The following HECTD4 variants were observed in gnomAD, a reference collection of about 807,000 sequenced individuals.
HECTD4 encodes the protein HECT domain E3 ubiquitin protein ligase 4, also known as probable E3 ubiquitin-protein ligase HECTD4.
Under a neutral mutation model 471.5 loss-of-function variants are expected in HECTD4, and 114 were observed. The ratio of observed to expected loss-of-function variants is 0.24; its 90% CI spans 0.21 to 0.28. The LOEUF is 0.28. Ranked by LOEUF, HECTD4 falls within the 10% of genes least tolerant of loss-of-function variation. The pLI, the probability that HECTD4 is intolerant of heterozygous loss-of-function variation, is 1.00. For synonymous variants in HECTD4, 2,012 were observed against 2,256.0 expected (o/e 0.89, Z 3.07); for missense variants, 3,866 against 5,651.5 (o/e 0.68, Z 10.13).
intron 1 of HECTD4, among the ~76,000 whole-genome samples, chr12:112,335,236 G>A (rs1194585050): frequency 6.6e-6 from 1 of 151,944 alleles, no homozygotes; most frequent in Admixed American, 6.6e-5. Flanking sequence ...GCAGCAACCT[G>A]GATGGGACTG....
In HECTD4 at chr12:112,190,760, C is replaced by G. The variant is rs373035734; in HGVS notation, c.9472+26G>C. 9.1e-6 allele frequency: 14 copies of G among 1,539,186 alleles called. No homozygotes were observed. The African/African-American group carries it at 1.8e-4, about 19-fold the overall frequency. On this transcript the variant is annotated intron_variant, in intron 60 of 75. Coordinates refer to ENST00000682272, the MANE Select transcript of HECTD4 (RefSeq NM_001388303.1). ...GCCAGCTCCACCCCCACCCTAGATT[C>G]CGATCCCCAGGGAAGGCAGCCTCAC...
intron 32 of HECTD4, among the ~76,000 whole-genome samples, chr12:112,242,980 T>G (rs1391980901): frequency 6.6e-6 from 1 of 152,196 alleles, no homozygotes; most frequent in Non-Finnish European, 1.5e-5. Context: ...CTGAGATATC[T>G]AAGACATACT....
chr12:112,238,081 G>T (rs753118864), intron 34 of HECTD4, among the ~76,000 whole-genome samples: 3 of 151,996 alleles, frequency 2.0e-5, no homozygotes, highest in Non-Finnish European at 2.9e-5. Flanking sequence ...TTAAAGGGAG[G>T]AATAATGCCT....
intron 67 of HECTD4, among the ~76,000 whole-genome samples, chr12:112,172,281 A>C (rs1351060032): frequency 6.6e-6 from 1 of 152,242 alleles, no homozygotes; most frequent in Non-Finnish European, 1.5e-5. Context: ...TAACAAAAAC[A>C]TGGTGTTCCC....
intron 1 of HECTD4, among the ~76,000 whole-genome samples, chr12:112,338,309 G>C (rs1281118289): frequency 6.6e-6 from 1 of 152,072 alleles, no homozygotes; most frequent in Non-Finnish European, 1.5e-5. Context: ...TATGTGTTAG[G>C]CCATTCTTGC....
intron 44 of HECTD4, among the ~76,000 whole-genome samples, chr12:112,225,319 T>C (rs944000070): frequency 9.4e-6 from 1 of 106,472 alleles, no homozygotes; most frequent in Non-Finnish European, 2.0e-5. Context: ...ACAGACTTTT[T>C]AAAAGACCAA....
In HECTD4 at chr12:112,349,560, G is replaced by A. The variant is rs140493878; in HGVS notation, c.178-29818C>T. Among the ~76,000 whole-genome samples, 597 of 152,114 alleles carry A rather than the reference G, an allele frequency of 3.9e-3. 2 individuals are homozygous for A. The highest frequency in any genetic ancestry group is 5.1e-3 in the Non-Finnish European group (348 of 67,992). ...TTGGCAAAGATAAGGCATGCTCCTGGGGAAGAAGTCAGATGAAAACATCTA... is the reference window on the plus strand; with the variant it reads ...TTGGCAAAGATAAGGCATGCTCCTGAGGAAGAAGTCAGATGAAAACATCTA... On this transcript the variant is annotated intron_variant, in intron 1 of 75. Transcript: ENST00000682272.
At chr12:112,206,287 G>A (rs1211492534) in intron 52 of HECTD4, among the ~76,000 whole-genome samples, 1 of 151,982 alleles carries the variant, frequency 6.6e-6, no homozygotes, top group Admixed American at 6.6e-5. Flanking sequence ...TTGAAGCCAG[G>A]AGTTCAAGAC....
At chr12:112,303,771 G>A (rs191374880) in intron 7 of HECTD4, among the ~76,000 whole-genome samples, 1 of 151,148 alleles carries the variant, frequency 6.6e-6, no homozygotes, top group South Asian at 2.1e-4. Flanking sequence ...GATCACCTGA[G>A]CCCAGGAGGT....
At chr12:112,175,017 G>T (rs966798222) in intron 66 of HECTD4, among the ~76,000 whole-genome samples, 4 of 152,204 alleles carry the variant, frequency 2.6e-5, no homozygotes, top group Admixed American at 2.6e-4. Flanking sequence ...ACCATATTTA[G>T]CCCTGAAGCC....
rs2135550044 is a variant in HECTD4 at position 112,216,931 on chromosome 12, T to C, written c.7237-10A>G. The stretch of plus-strand genomic sequence containing the variant: ...AGTAAAAAGACGGGGCCTGAAGAGA[T>C]GCCAGAAGAGAGCAGCAATCAGAGG... On this transcript the variant is annotated splice_polypyrimidine_tract_variant and intron_variant, in intron 46 of 75. Coordinates refer to ENST00000682272, the MANE Select transcript of HECTD4 (RefSeq NM_001388303.1). 1.9e-6 allele frequency: 3 copies of C among 1,612,306 alleles called. No homozygotes were observed. The highest frequency in any genetic ancestry group is 2.5e-6 in the Non-Finnish European group (3 of 1,178,442).
At chr12:112,323,025 G>C in intron 1 of HECTD4, 1 of 200,258 alleles carries the variant, frequency 5.0e-6, no homozygotes. Flanking sequence ...GACAAAGAAA[G>C]GCTGCATGAA....
intron 70 of HECTD4, 39 bp from the exon 71 acceptor site, chr12:112,167,956 C>T (rs755802256): frequency 1.3e-6 from 2 of 1,528,072 alleles, no homozygotes; most frequent in Non-Finnish European, 1.8e-6. Flanking sequence ...CTGGGGTGTC[C>T]CGGCGGGAGG....
chr12:112,261,600 G>A, intron 17 of HECTD4, 171 bp from the exon 18 acceptor site: 1 of 611,348 alleles, frequency 1.6e-6, no homozygotes, highest in African/African-American at 1.8e-5. Flanking sequence ...GCCAGAATAA[G>A]CCCAAAGCAG....
At chr12:112,303,743 G>A (rs1268424071) in intron 7 of HECTD4, among the ~76,000 whole-genome samples, 1 of 151,848 alleles carries the variant, frequency 6.6e-6, no homozygotes, top group Non-Finnish European at 1.5e-5. Flanking sequence ...CCAGCTACTT[G>A]GGAGGCTGAG....
At chr12:112,208,105 T>C in intron 51 of HECTD4, 105 bp from the exon 52 acceptor site, 1 of 1,305,684 alleles carries the variant, frequency 7.7e-7, no homozygotes, top group Non-Finnish European at 1.0e-6. Context: ...CCCACTTAAA[T>C]GCCAGTAATA....
At chr12:112,219,352 C>T (rs773322965) in intron 45 of HECTD4, 34 bp downstream of exon 45, 17 of 1,486,808 alleles carry the variant, frequency 1.1e-5, no homozygotes, top group Non-Finnish European at 1.2e-5. Context: ...TGTGTGGAGG[C>T]TGCAGGAGGC....
chr12:112,221,116 TA>T (rs1259248918), intron 44 of HECTD4, among the ~76,000 whole-genome samples: 1 of 152,102 alleles, frequency 6.6e-6, no homozygotes, highest in Admixed American at 6.5e-5. Context: ...CACACTTGGC[TA>T]ATTTTTTGTA....
Position 112,235,347 on chromosome 12 carries a change from G to A in HECTD4, c.5726-81C>T. 4 of 1,512,510 alleles carry A rather than the reference G, an allele frequency of 2.6e-6. No individual in the cohort carries two copies. The highest frequency in any genetic ancestry group is 3.6e-6 in the Non-Finnish European group (4 of 1,119,570). 93.7% of individuals were successfully genotyped at this position (1,512,510 alleles called of 1,614,324 possible). A position where few individuals can be genotyped will look rare whatever the true frequency, so the allele number is the denominator to read the frequency against. On this transcript the variant is annotated intron_variant, in intron 36 of 75. Coordinates refer to ENST00000682272, the MANE Select transcript of HECTD4 (RefSeq NM_001388303.1). The surrounding 1 kb of genome is among the most constrained non-coding windows in gnomAD (Gnocchi z 5.0). Reference sequence around the variant, plus strand: ...CTGCTAAAATGAAAAATAATGGTTTGGGATTTGGAATCTTTCTTCCCCCTT... The same window carrying A: ...CTGCTAAAATGAAAAATAATGGTTTAGGATTTGGAATCTTTCTTCCCCCTT...
Sources: allele counts gnomAD v4.1 joint callset (sites outside exome capture counted in the v4.1 genomes callset), GRCh38; gene constraint gnomAD v4.1.1; non-coding constraint Gnocchi (gnomAD v3.1); transcripts MANE v1.5; gene names NCBI Gene and HGNC (gene_info 2026-07-23, HGNC 2026-07-21).